TFDP2: variants seen among roughly 807,000 people sequenced by gnomAD.
TFDP2 encodes transcription factor Dp-2.
A neutral mutation model predicts 59.3 loss-of-function variants in TFDP2; 17 were observed. That is an observed-to-expected ratio of 0.29 (90% CI 0.20 to 0.43). The LOEUF (loss-of-function observed/expected upper bound fraction) is 0.43, where lower values mean the gene tolerates loss of function less well. TFDP2 is among the 20% of genes least tolerant of loss of function. The pLI, the probability that TFDP2 is intolerant of heterozygous loss-of-function variation, is 1.00. For missense variants in TFDP2, 391 were observed against 528.8 expected, an observed-to-expected ratio of 0.74 and a Z score of 2.56; for synonymous variants, 180 against 194.7, an observed-to-expected ratio of 0.92 and a Z score of 0.63.
rs1940245108 is a variant in TFDP2 at position 141,974,065 on chromosome 3, C to G, written c.646G>C (p.Glu216Gln). 1.2e-6 allele frequency: 2 copies of G among 1,611,198 alleles called. No homozygotes were observed. The highest frequency in any genetic ancestry group is 1.7e-6 in the Non-Finnish European group (2 of 1,179,112). The change falls in exon 8 of 13, where the codon GAA becomes CAA. Residue 216 changes from glutamate to glutamine, a missense_variant. By Grantham distance (29) the Glu-to-Gln change is conservative. Transcript: ENST00000489671. ...TCACTTACCTCCAGATTCTGACATTCCTGAGCAGAATTGGTAGGCAGGCCA... is the reference window on the plus strand; with the variant it reads ...TCACTTACCTCCAGATTCTGACATTGCTGAGCAGAATTGGTAGGCAGGCCA... ...WIGLPTNSAQ[E>Q]CQNLEIEKQR...
At chr3:141,993,199 C>CAAAAAAAA (rs71856030) in intron 6 of TFDP2, among the ~76,000 whole-genome samples, 15,167 of 143,038 alleles carry the variant, frequency 0.11, 1,001 homozygotes, top group East Asian at 0.16. Flanking sequence ...GACTTCATCT[C>CAAAAAAAA]AAAAAAAAGA....
At chr3:142,084,473 T>C (rs771490745) in intron 3 of TFDP2, among the ~76,000 whole-genome samples, 56 of 152,152 alleles carry the variant, frequency 3.7e-4, no homozygotes, top group Non-Finnish European at 7.5e-4. Context: ...CACTACTAGG[T>C]ATACACCCAA....
intron 3 of TFDP2, among the ~76,000 whole-genome samples, chr3:142,061,860 TAATC>T (rs2059919698): frequency 2.7e-5 from 4 of 145,866 alleles, no homozygotes; most frequent in African/African-American, 5.1e-5. Flanking sequence ...CCAATCCCTA[TAATC>T]AATCAATTTC....
intron 7 of TFDP2, among the ~76,000 whole-genome samples, chr3:141,974,907 C>CTTCTTCTTCTTCT (rs1553762313): frequency 1.2e-3 from 109 of 90,480 alleles, no homozygotes; most frequent in Non-Finnish European, 2.0e-3. Flanking sequence ...TCTTCTTCTT[C>CTTCTTCTTCTTCT]TTTTTTTTTT....
At chr3:141,980,783 G>A (rs895327787) in intron 6 of TFDP2, among the ~76,000 whole-genome samples, 2 of 152,036 alleles carry the variant, frequency 1.3e-5, no homozygotes, top group Admixed American at 1.3e-4. Context: ...TGATCCATCC[G>A]CCTTGGCCTC....
chr3:141,992,259 A>T (rs1041132976), intron 6 of TFDP2, among the ~76,000 whole-genome samples: 5 of 152,028 alleles, frequency 3.3e-5, no homozygotes, highest in African/African-American at 1.2e-4. Flanking sequence ...AAAACTTTTT[A>T]AAAAATGATA....
At chr3:141,992,747 A>G (rs1450768869) in intron 6 of TFDP2, among the ~76,000 whole-genome samples, 2 of 152,228 alleles carry the variant, frequency 1.3e-5, no homozygotes, top group African/African-American at 4.8e-5. Context: ...CATCCTTTAT[A>G]CATATTCCCA....
At chr3:142,068,961 G>A (rs1216503166) in intron 3 of TFDP2, among the ~76,000 whole-genome samples, 1 of 152,046 alleles carries the variant, frequency 6.6e-6, no homozygotes, top group Non-Finnish European at 1.5e-5. Context: ...TGTCACCCAG[G>A]CTAAAGTGCA....
intron 3 of TFDP2, among the ~76,000 whole-genome samples, chr3:142,060,187 G>A (rs1462862276): frequency 6.6e-6 from 1 of 152,120 alleles, no homozygotes; most frequent in Non-Finnish European, 1.5e-5. Context: ...TATCTTGAGA[G>A]AAAGTTCCAC....
At chr3:142,033,081 G>C (rs541302798) in intron 3 of TFDP2, among the ~76,000 whole-genome samples, 1 of 152,216 alleles carries the variant, frequency 6.6e-6, no homozygotes, top group African/African-American at 2.4e-5. Context: ...TGTAATCCCA[G>C]CTACTTGGGA....
At chr3:142,114,408 A>G (rs1413376161) in intron 1 of TFDP2, among the ~76,000 whole-genome samples, 1 of 152,190 alleles carries the variant, frequency 6.6e-6, no homozygotes, top group Non-Finnish European at 1.5e-5. Flanking sequence ...TTAAGAATAT[A>G]AAGTATTAAA....
chr3:142,058,885 C>G (rs1234729846), intron 3 of TFDP2, among the ~76,000 whole-genome samples: 1 of 152,170 alleles, frequency 6.6e-6, no homozygotes, highest in Non-Finnish European at 1.5e-5. Context: ...TCCAGGCCCT[C>G]TCTCCCTGCT....
At chr3:142,139,525 T>G (rs2062859131) in intron 1 of TFDP2, among the ~76,000 whole-genome samples, 1 of 152,220 alleles carries the variant, frequency 6.6e-6, no homozygotes, top group South Asian at 2.1e-4. Flanking sequence ...TTTCTACGTT[T>G]AGCACTTCCT....
intron 3 of TFDP2, among the ~76,000 whole-genome samples, chr3:142,053,510 ACTT>A (rs1947751198): frequency 6.6e-6 from 1 of 152,108 alleles, no homozygotes; most frequent in Non-Finnish European, 1.5e-5. Flanking sequence ...GCCAAAATAA[ACTT>A]CTTTTCTTTA....
intron 3 of TFDP2, among the ~76,000 whole-genome samples, chr3:142,010,277 A>G (rs915020709): frequency 2.0e-5 from 3 of 152,332 alleles, no homozygotes; most frequent in Admixed American, 2.0e-4. Flanking sequence ...TACAGATGCC[A>G]GTCATCACAT....
At chr3:142,133,258 C>A (rs1172241524) in intron 1 of TFDP2, among the ~76,000 whole-genome samples, 1 of 150,078 alleles carries the variant, frequency 6.7e-6, no homozygotes, top group Non-Finnish European at 1.5e-5. Context: ...ACCCTGTCAC[C>A]CAGACTGGAG....
Position 141,948,298 on chromosome 3 carries a change from T to G in TFDP2, c.*4215A>C, listed in dbSNP as rs889117735. The G allele has an allele frequency of 6.6e-6, 1 of 152,080 alleles. No homozygotes were observed. Among genetic ancestry groups the G allele is most frequent in the Non-Finnish European group, 1.5e-5 (1 of 68,054 alleles). The allele number at this position is 152,080 out of a possible 1,614,324, so 9.4% of individuals were successfully genotyped here. A position where few individuals can be genotyped will look rare whatever the true frequency, so the allele number is the denominator to read the frequency against. ...GGCTCACACCTGTAATCCCAGCACT[T>G]CGGGAGGCTGAGGTGGGCAGATCAC... On this transcript the variant is annotated 3_prime_UTR_variant, in exon 13 of 13. Coordinates refer to ENST00000489671, the MANE Select transcript of TFDP2 (RefSeq NM_001178139.2).
At chr3:142,018,929 GT>G (rs62753560) in intron 3 of TFDP2, among the ~76,000 whole-genome samples, 37 of 125,200 alleles carry the variant, frequency 3.0e-4, no homozygotes, top group East Asian at 9.1e-4. Context: ...TTTTTGGTGA[GT>G]TTTTTTTTTT....
At chr3:141,983,657 T>A (rs1001536539) in intron 6 of TFDP2, among the ~76,000 whole-genome samples, 1 of 148,242 alleles carries the variant, frequency 6.7e-6, no homozygotes, top group African/African-American at 2.5e-5. Flanking sequence ...GACTTAATAG[T>A]CATTTATCCA....
Sources: allele counts gnomAD v4.1 joint callset (sites outside exome capture counted in the v4.1 genomes callset), GRCh38; gene constraint gnomAD v4.1.1; transcripts MANE v1.5; gene names NCBI Gene and HGNC (gene_info 2026-07-23, HGNC 2026-07-21).